PDZD2: variants seen among roughly 807,000 people sequenced by gnomAD.
PDZD2 encodes the protein PDZ domain containing 2.
PDZD2 carries 90 observed loss-of-function variants against 220.7 expected under a neutral mutation model. The observed-to-expected ratio is 0.41, with a 90% CI of 0.34 to 0.49. The LOEUF (loss-of-function observed/expected upper bound fraction) is 0.49. PDZD2 is among the 20% of genes least tolerant of loss of function. PDZD2 has a pLI of 0.28. For missense variants in PDZD2, 3,174 were observed against 3,608.5 expected, an observed-to-expected ratio of 0.88 and a Z score of 3.08; for synonymous variants, 1,375 against 1,450.5, an observed-to-expected ratio of 0.95 and a Z score of 1.18.
intron 19 of PDZD2, among the ~76,000 whole-genome samples, chr5:32,080,332 A>AG (rs1477007866): frequency 1.6e-5 from 2 of 127,766 alleles, no homozygotes; most frequent in Non-Finnish European, 3.1e-5. Context: ...TGGGCAACAG[A>AG]GCGAGACTCC....
At chr5:31,769,076 G>A (rs1008559299) in intron 1 of PDZD2, among the ~76,000 whole-genome samples, 28 of 152,332 alleles carry the variant, frequency 1.8e-4, no homozygotes, top group Non-Finnish European at 2.4e-4. Context: ...GGGAGACGAT[G>A]CTCAGGACGC....
chr5:31,751,133 T>A (rs1346414639), intron 1 of PDZD2, among the ~76,000 whole-genome samples: 1 of 151,690 alleles, frequency 6.6e-6, no homozygotes, highest in Non-Finnish European at 1.5e-5. Flanking sequence ...TCTCAGCTAC[T>A]CGGAGGCCGA....
intron 2 of PDZD2, among the ~76,000 whole-genome samples, chr5:31,813,278 G>A (rs1335832650): frequency 2.0e-5 from 3 of 151,596 alleles, no homozygotes; most frequent in East Asian, 1.9e-4. Context: ...GTGAAACCCC[G>A]TCTCTACTAA....
intron 2 of PDZD2, among the ~76,000 whole-genome samples, chr5:31,834,092 T>C (rs1344447176): frequency 2.0e-5 from 3 of 152,248 alleles, no homozygotes; most frequent in Non-Finnish European, 4.4e-5. Context: ...GAATTCTGTT[T>C]AATACAAAGG....
chr5:32,089,347 T>G lies in PDZD2; in HGVS notation c.5899T>G (p.Ser1967Ala). ...VLESKPPLAT[S>A]GPLKPSVSDT... is the part of the protein sequence containing the mutation. ...GGAAAGCAAGCCACCTCTTGCCACC[T>G]CTGGGCCACTGAAACCCTCAGTGTC... Residue 1967 changes from serine to alanine, a missense_variant, in exon 20 of 25, where the codon TCT (serine) becomes GCT (alanine). Around this residue, in one of 4 missense-constraint regions of PDZD2, gnomAD observed 1,861 missense variants for 2,001.0 expected, o/e 0.93. Coordinates refer to ENST00000438447, the MANE Select transcript of PDZD2 (RefSeq NM_178140.4). The G allele has an allele frequency of 6.2e-7, 1 of 1,614,028 alleles. No homozygotes were observed.
At chr5:31,642,623 T>TCCCTC (rs1744990718) in intron 1 of PDZD2, among the ~76,000 whole-genome samples, 1 of 152,190 alleles carries the variant, frequency 6.6e-6, no homozygotes, top group Admixed American at 6.5e-5. Context: ...CCCTCCATTC[T>TCCCTC]CCCTCCCAGG....
intron 5 of PDZD2, among the ~76,000 whole-genome samples, chr5:32,003,593 T>C (rs1194459290): frequency 2.0e-5 from 3 of 152,048 alleles, no homozygotes; most frequent in South Asian, 4.2e-4. Flanking sequence ...GCCCACCTCC[T>C]CAAAATCGTG....
chr5:31,657,575 G>A (rs894937945), intron 1 of PDZD2, among the ~76,000 whole-genome samples: 1 of 152,210 alleles, frequency 6.6e-6, no homozygotes, highest in Non-Finnish European at 1.5e-5. Flanking sequence ...GCAAAAGTCA[G>A]CCAAGGGGCT....
chr5:32,092,133 G>A (rs1297600721), intron 20 of PDZD2, among the ~76,000 whole-genome samples: 1 of 151,466 alleles, frequency 6.6e-6, no homozygotes, highest in African/African-American at 2.4e-5. Context: ...AATTAGCTGG[G>A]GATGGTGGCA....
intron 1 of PDZD2, among the ~76,000 whole-genome samples, chr5:31,659,601 G>A (rs1290726561): frequency 2.0e-5 from 3 of 151,860 alleles, no homozygotes; most frequent in Non-Finnish European, 4.4e-5. Flanking sequence ...TTGTACATGG[G>A]GAGTTTGCAA....
Position 31,766,288 on chromosome 5 carries a change from G to A in PDZD2, c.-360-32601G>A, listed in dbSNP as rs117198911. 9.7e-3 allele frequency among the ~76,000 whole-genome samples: 1,474 copies of A among 152,282 alleles called. 21 individuals carry two copies. The highest frequency in any genetic ancestry group is 0.035 in the East Asian group (184 of 5,186). On this transcript the variant is annotated intron_variant, in intron 1 of 24. Coordinates refer to ENST00000438447, the MANE Select transcript of PDZD2 (RefSeq NM_178140.4). Reference sequence around the variant, plus strand: ...TCCCTTTATAGTATTGTTTTCTACAGTGTGAAACTCAGATGTCCATATTTG... The same window carrying A: ...TCCCTTTATAGTATTGTTTTCTACAATGTGAAACTCAGATGTCCATATTTG...
rs1749593856 is a variant in PDZD2 at position 31,732,516 on chromosome 5, G to A, written c.-360-66373G>A. On this transcript the variant is annotated intron_variant, in intron 1 of 24. Coordinates refer to ENST00000438447, the MANE Select transcript of PDZD2 (RefSeq NM_178140.4). ...AGGCCAGAAGGCTGAGCAGAAGGAG[G>A]TGGGAGGCCAAAAAACATGGCAGGT... 2.0e-5 allele frequency among the ~76,000 whole-genome samples: 3 copies of A among 152,200 alleles called. No homozygotes were observed. The South Asian group carries it at 6.2e-4, about 32-fold the overall frequency.
intron 4 of PDZD2, among the ~76,000 whole-genome samples, chr5:31,999,566 G>A (rs954553775): frequency 5.9e-5 from 9 of 152,140 alleles, no homozygotes; most frequent in Non-Finnish European, 1.5e-5. Flanking sequence ...ACAAGGTGCC[G>A]AGAGTGAGAG....
At position 32,107,950 on chromosome 5, in the gene PDZD2, T is replaced by C. The variant is rs1744956015; in HGVS notation, c.8354-19T>C. On this transcript the variant is annotated intron_variant, in intron 24 of 24. Transcript: ENST00000438447. ...ATGAAACTGCCAAGCTATTAATTATTCTGTGTTTATTCTCGTAGGTGGTGC... is the reference window on the plus strand; with the variant it reads ...ATGAAACTGCCAAGCTATTAATTATCCTGTGTTTATTCTCGTAGGTGGTGC... 2 of 1,585,178 alleles carry C rather than the reference T, an allele frequency of 1.3e-6. No homozygotes were observed. The highest frequency in any genetic ancestry group is 2.2e-5 in the East Asian group (1 of 44,580).
At chr5:31,703,889 C>A (rs1036895702) in intron 1 of PDZD2, among the ~76,000 whole-genome samples, 49 of 152,226 alleles carry the variant, frequency 3.2e-4, no homozygotes, top group Middle Eastern at 3.4e-3. Flanking sequence ...AATTTTACCC[C>A]CATAGATACT....
At chr5:31,978,485 C>T (rs370358021) in intron 2 of PDZD2, among the ~76,000 whole-genome samples, 15 of 152,066 alleles carry the variant, frequency 9.9e-5, no homozygotes, top group African/African-American at 3.6e-4. Context: ...TTTGGGAGGC[C>T]GAGGTGGGCG....
At chr5:32,045,825 A>C (rs1737893617) in intron 7 of PDZD2, among the ~76,000 whole-genome samples, 2 of 152,138 alleles carry the variant, frequency 1.3e-5, no homozygotes, top group South Asian at 2.1e-4. Flanking sequence ...TAAAAAAAAA[A>C]CAAACCTTTA....
Position 32,074,581 on chromosome 5 carries a change from G to A in PDZD2, c.3475G>A (p.Val1159Ile). 6.2e-7 allele frequency: 1 copy of A among 1,613,572 alleles called. No individual in the cohort carries two copies. The highest frequency in any genetic ancestry group is 1.7e-4 in the Middle Eastern group (1 of 6,060). Residue 1159 changes from valine to isoleucine, a missense_variant, in exon 18 of 25, where the codon GTC becomes ATC. Val to Ile is a conservative substitution (Grantham distance 29). Coordinates refer to ENST00000438447, the MANE Select transcript of PDZD2 (RefSeq NM_178140.4). Reference protein sequence around the residue: ...ANDPCDLDSRVQATSVKVTVA... With the variant: ...ANDPCDLDSRIQATSVKVTVA... The stretch of plus-strand genomic sequence containing the variant: ...TGATCCATGCGATCTGGACTCGAGA[G>A]TCCAGGCCACTTCTGTCAAAGTGAC...
chr5:32,074,972 G>A (rs1216215389), intron 18 of PDZD2, among the ~76,000 whole-genome samples: 1 of 152,012 alleles, frequency 6.6e-6, no homozygotes, highest in Non-Finnish European at 1.5e-5. Context: ...CACCACGCCT[G>A]GCTAATTTTT....
Sources: gnomAD v4.1 joint callset for allele counts (sites outside exome capture counted in the v4.1 genomes callset) on GRCh38, gnomAD v4.1.1 for gene constraint, gnomAD v4.1.1 regional missense constraint, MANE v1.5 for transcripts, NCBI Gene and HGNC (gene_info 2026-07-23, HGNC 2026-07-21) for gene names.